The following PLA1A variants were observed in gnomAD, a reference collection of about 807,000 sequenced individuals.
The protein encoded by PLA1A is phosphatidylserine-specific phospholipase A1alpha.
A neutral mutation model predicts 49.4 loss-of-function variants in PLA1A; 47 were observed. The ratio of observed to expected loss-of-function variants is 0.95; its 90% CI spans 0.75 to 1.21. The LOEUF (loss-of-function observed/expected upper bound fraction) is 1.21. PLA1A is among the 50% of genes most tolerant of loss of function. The pLI, the probability that PLA1A is intolerant of heterozygous loss-of-function variation, is 0.00. For synonymous variants in PLA1A, 224 were observed against 207.9 expected (o/e 1.08, Z -0.67); for missense variants, 561 against 563.9 (o/e 0.99, Z 0.05).
chr3:119,600,649 T>C (rs547577350), intron 1 of PLA1A, among the ~76,000 whole-genome samples: 1 of 152,338 alleles, frequency 6.6e-6, no homozygotes, highest in African/African-American at 2.4e-5. Flanking sequence ...TTGAGCGGGC[T>C]GCAGTCCTCA....
intron 8 of PLA1A, among the ~76,000 whole-genome samples, chr3:119,621,684 G>C (rs1346099264): frequency 6.6e-6 from 1 of 152,212 alleles, no homozygotes; most frequent in Admixed American, 6.5e-5. Flanking sequence ...CATGTCCTGT[G>C]TGATAAGTTG....
intron 5 of PLA1A, among the ~76,000 whole-genome samples, chr3:119,615,437 G>A (rs145016729): frequency 2.4e-4 from 36 of 152,320 alleles, no homozygotes; most frequent in African/African-American, 7.9e-4. Flanking sequence ...AACTTACCAA[G>A]TTTATAACAT....
chr3:119,628,433 C>A (rs1349323343), intron 9 of PLA1A, among the ~76,000 whole-genome samples: 2 of 152,204 alleles, frequency 1.3e-5, no homozygotes, highest in Non-Finnish European at 2.9e-5. Context: ...ACAGTTTTTC[C>A]AGATATGAAA....
chr3:119,625,239 A>G lies in PLA1A; in HGVS notation c.1121+7A>G. The G allele has an allele frequency of 1.9e-6, 3 of 1,565,952 alleles. No homozygotes were observed. Among genetic ancestry groups the G allele is most frequent in the Non-Finnish European group, 2.6e-6 (3 of 1,136,304 alleles). On this transcript the variant is annotated splice_region_variant and intron_variant, in intron 9 of 10. Transcript: ENST00000273371. ...CTTCATCTAAGATCACCATGTACGT[A>G]AGTGTCCCACCTGGTTGACTCCTCC...
intron 2 of PLA1A, among the ~76,000 whole-genome samples, chr3:119,608,220 A>G (rs201787058): frequency 2.4e-4 from 19 of 80,702 alleles, no homozygotes; most frequent in African/African-American, 1.5e-3. Flanking sequence ...GAAAGAAAGA[A>G]AGAAAGAGAG....
intron 1 of PLA1A, among the ~76,000 whole-genome samples, 155 bp from the exon 2 acceptor site, chr3:119,606,619 T>C (rs959439528): frequency 4.6e-5 from 7 of 152,196 alleles, no homozygotes; most frequent in Non-Finnish European, 1.5e-5. Flanking sequence ...TGATGAAGGC[T>C]GTAATAAATG....
At position 119,597,904 on chromosome 3, in the gene PLA1A, C is replaced by T. The variant is rs949062344; in HGVS notation, c.-10C>T. The T allele has an allele frequency of 1.3e-6, 2 of 1,593,804 alleles. No homozygotes were observed. The highest frequency in any genetic ancestry group is 2.7e-5 in the African/African-American group (2 of 74,198). On this transcript the variant is annotated 5_prime_UTR_variant, in exon 1 of 11. Coordinates refer to ENST00000273371, the MANE Select transcript of PLA1A (RefSeq NM_015900.4). ...TACTCCATACCAGCTCTGAGATTTC[C>T]AGCTCAGCGATGCCCCCAGGTCCCT...
At chr3:119,629,337 C>T (rs768452797) in intron 10 of PLA1A, 47 bp from the exon 11 acceptor site, 1 of 1,065,338 alleles carries the variant, frequency 9.4e-7, no homozygotes, top group Non-Finnish European at 1.5e-6. Context: ...AATGCCAAGC[C>T]CTGTCTCCTC....
At position 119,629,747 on chromosome 3, in the gene PLA1A, G is replaced by T; in HGVS notation, c.*279G>T. 2.5e-6 allele frequency: 1 copy of T among 393,898 alleles called. No homozygotes were observed. The highest frequency in any genetic ancestry group is 4.5e-6 in the Non-Finnish European group (1 of 220,184). The allele number at this position is 393,898 out of a possible 1,614,324, so 24.4% of individuals were successfully genotyped here. ...TATCTCCTTGGGCATTCGTACTTAG[G>T]ATTCAATAGAAACATGTACAGGGTA... On this transcript the variant is annotated 3_prime_UTR_variant, in exon 11 of 11. Transcript: ENST00000273371.
At chr3:119,627,525 T>C (rs1352620077) in intron 9 of PLA1A, among the ~76,000 whole-genome samples, 1 of 152,176 alleles carries the variant, frequency 6.6e-6, no homozygotes, top group Non-Finnish European at 1.5e-5. Flanking sequence ...ACAAGTGATA[T>C]GACTAACACT....
chr3:119,613,532 C>G (rs1245066881), intron 5 of PLA1A, among the ~76,000 whole-genome samples: 1 of 152,208 alleles, frequency 6.6e-6, no homozygotes, highest in Non-Finnish European at 1.5e-5. Flanking sequence ...CCCAGGCAGG[C>G]AGGCCTGTCA....
At chr3:119,608,216 A>AAGAAAGAGAG (rs1560078734) in intron 2 of PLA1A, among the ~76,000 whole-genome samples, 26 of 143,928 alleles carry the variant, frequency 1.8e-4, no homozygotes, top group East Asian at 6.2e-4. Context: ...GAAAGAAAGA[A>AAGAAAGAGAG]AGAAAGAAAG....
intron 2 of PLA1A, 21 bp from the exon 3 acceptor site, chr3:119,608,749 C>A: frequency 1.3e-6 from 2 of 1,579,726 alleles, no homozygotes; most frequent in Non-Finnish European, 1.7e-6. Flanking sequence ...TTTTTCCATT[C>A]TTTTTTGGCC....
intron 10 of PLA1A, 71 bp downstream of exon 10, chr3:119,628,936 C>T (rs2052585812): frequency 2.5e-6 from 3 of 1,222,268 alleles, no homozygotes; most frequent in Admixed American, 1.8e-5. Flanking sequence ...ATTAGATGTG[C>T]TGCCTATTGA....
Position 119,628,877 on chromosome 3 carries a change from T to C in PLA1A, c.1286+12T>C. On this transcript the variant is annotated intron_variant, in intron 10 of 10. Transcript: ENST00000273371. Reference sequence around the variant, plus strand: ...CCTGTCAATGACAGGTAAGCCCCAGTATTCACCTCTGCACCAGATGCACTC... The same window carrying C: ...CCTGTCAATGACAGGTAAGCCCCAGCATTCACCTCTGCACCAGATGCACTC... 3 of 1,609,522 alleles carry C rather than the reference T, an allele frequency of 1.9e-6. No homozygotes were observed. Among genetic ancestry groups the C allele is most frequent in the Non-Finnish European group, 8.5e-7 (1 of 1,176,044 alleles).
Position 119,629,416 on chromosome 3 carries a change from A to C in PLA1A, c.1319A>C (p.Asn440Thr). Residue 440 changes from asparagine (N) to threonine (T), a missense_variant, in exon 11 of 11, where the codon AAC (asparagine) becomes ACC (threonine). Transcript: ENST00000273371. ...ATGGTCTGCTTACCTGAACCAGTGAACTTACAAGCAAGTGTGACTGTTTCC... is the reference window on the plus strand; with the variant it reads ...ATGGTCTGCTTACCTGAACCAGTGACCTTACAAGCAAGTGTGACTGTTTCC... Reference protein sequence around the residue: ...EKMVCLPEPVNLQASVTVSCD... With the variant: ...EKMVCLPEPVTLQASVTVSCD... The C allele has an allele frequency of 6.2e-7, 1 of 1,612,064 alleles. No individual in the cohort carries two copies. Among genetic ancestry groups the C allele is most frequent in the Non-Finnish European group, 8.5e-7 (1 of 1,178,280 alleles).
intron 1 of PLA1A, among the ~76,000 whole-genome samples, chr3:119,605,570 A>G (rs552783204): frequency 2.5e-4 from 38 of 152,296 alleles, no homozygotes; most frequent in Non-Finnish European, 5.0e-4. Flanking sequence ...TCTCCTCTGA[A>G]CCTCTGATTC....
chr3:119,598,358 T>C (rs2082569568), intron 1 of PLA1A, among the ~76,000 whole-genome samples: 1 of 152,228 alleles, frequency 6.6e-6, no homozygotes, highest in South Asian at 2.1e-4. Context: ...ATTTAGGTTT[T>C]CCAAACTAAT....
chr3:119,618,593 G>C (rs531484141), intron 7 of PLA1A, among the ~76,000 whole-genome samples: 1 of 152,344 alleles, frequency 6.6e-6, no homozygotes, highest in South Asian at 2.1e-4. Flanking sequence ...TTACAGGTCG[G>C]ATATTCTGGT....
Sources: gnomAD v4.1 joint callset for allele counts (sites outside exome capture counted in the v4.1 genomes callset) on GRCh38, gnomAD v4.1.1 for gene constraint, MANE v1.5 for transcripts, NCBI Gene and HGNC (gene_info 2026-07-23, HGNC 2026-07-21) for gene names.